Variants in CCDC149 observed in about 807,000 individuals in gnomAD.
CCDC149 encodes the protein coiled-coil domain-containing protein 149.
In CCDC149, 45 loss-of-function variants were observed where a neutral mutation model predicts 59.9. The observed-to-expected ratio is 0.75, with a 90% CI of 0.59 to 0.96. CCDC149 has a LOEUF of 0.96. Among genes scored for constraint, CCDC149 ranks in the 40% least tolerant of loss-of-function variants. The probability of loss-of-function intolerance (pLI) is 0.00; values close to 1 mark genes in which losing one functional copy is unlikely to be tolerated. For missense variants in CCDC149, 584 were observed against 664.7 expected (o/e 0.88, Z 1.33); for synonymous variants, 245 against 260.6 (o/e 0.94, Z 0.58).
At chr4:24,910,447 G>C (rs1721810334) in intron 1 of CCDC149, among the ~76,000 whole-genome samples, 1 of 152,104 alleles carries the variant, frequency 6.6e-6, no homozygotes, top group Non-Finnish European at 1.5e-5. Context: ...CTATGGTGGG[G>C]AGGTGGGGGG....
intron 1 of CCDC149, among the ~76,000 whole-genome samples, chr4:24,979,349 G>C (rs568839805): frequency 2.0e-5 from 3 of 152,310 alleles, no homozygotes; most frequent in African/African-American, 7.2e-5. Flanking sequence ...GGAAATGTCT[G>C]CAAGTGATCT....
intron 3 of CCDC149, among the ~76,000 whole-genome samples, chr4:24,873,280 A>C (rs1046218385): frequency 1.3e-5 from 2 of 152,170 alleles, no homozygotes; most frequent in African/African-American, 4.8e-5. Context: ...GTATGTGTCC[A>C]CTGAATGGTA....
chr4:24,917,762 G>C (rs1377343162), upstream of CCDC149, among the ~76,000 whole-genome samples: 2 of 152,158 alleles, frequency 1.3e-5, no homozygotes, highest in Non-Finnish European at 2.9e-5. Context: ...AAAGTCATCT[G>C]CTCTCAGATT....
Position 24,825,840 on chromosome 4 carries a change from G to A in CCDC149, c.966-3267C>T, listed in dbSNP as rs1442928848. Among the ~76,000 whole-genome samples, 5 of 152,020 alleles carry A rather than the reference G, an allele frequency of 3.3e-5. No homozygotes were observed. In the South Asian group the frequency reaches 6.2e-4, roughly 19 times the overall value. ...AGAAATGAAGAGCTAAGTGGAAGAC[G>A]AATCTACAGAGACCAGTAGGAACCC... is the stretch of plus-strand genomic sequence containing the variant. On this transcript the variant is annotated intron_variant, in intron 9 of 12. Coordinates refer to ENST00000635206, the MANE Select transcript of CCDC149 (RefSeq NM_001330643.2).
intron 1 of CCDC149, among the ~76,000 whole-genome samples, chr4:24,901,473 A>C (rs1461671225): frequency 2.0e-5 from 3 of 152,194 alleles, no homozygotes; most frequent in Non-Finnish European, 4.4e-5. Context: ...TTTTTAACAT[A>C]ATAAGTGTAG....
chr4:24,835,006 C>G lies in CCDC149; in HGVS notation c.762G>C (p.Ser254=), dbSNP rs760764637. 4 of 1,613,860 alleles carry G rather than the reference C, an allele frequency of 2.5e-6. No individual in the cohort carries two copies. The highest frequency in any genetic ancestry group is 3.4e-6 in the Non-Finnish European group (4 of 1,179,918). ...TGCTGCTGGATTTACCCTGGCCCTT[C>G]GAGTTTTTCCGTCTCTCCAGAGCAT... The change falls in exon 8 of 13, where the codon TCG becomes TCC. Residue 254 remains serine (S), a synonymous_variant. Transcript: ENST00000635206.
At chr4:24,937,860 G>A (rs1050671649) in intron 1 of CCDC149, among the ~76,000 whole-genome samples, 4 of 152,130 alleles carry the variant, frequency 2.6e-5, no homozygotes, top group Admixed American at 2.6e-4. Flanking sequence ...TGAAGAGGGA[G>A]GTTGGCAATA....
chr4:24,935,379 G>A (rs912015761), intron 1 of CCDC149, among the ~76,000 whole-genome samples: 4 of 152,042 alleles, frequency 2.6e-5, no homozygotes, highest in African/African-American at 9.7e-5. Flanking sequence ...TAATTCAAGG[G>A]GACTATTAGA....
At chr4:24,978,589 A>G (rs941076744) in intron 1 of CCDC149, among the ~76,000 whole-genome samples, 10 of 152,146 alleles carry the variant, frequency 6.6e-5, no homozygotes, top group African/African-American at 2.4e-4. Flanking sequence ...AGAGACAAGG[A>G]TGGGGGTAGG....
chr4:24,901,836 A>G (rs1270887290), intron 1 of CCDC149, among the ~76,000 whole-genome samples: 1 of 152,058 alleles, frequency 6.6e-6, no homozygotes, highest in Non-Finnish European at 1.5e-5. Context: ...ATTCTATTCC[A>G]TCTCTCCAAT....
At chr4:24,915,834 T>C (rs1203036281), upstream of CCDC149, among the ~76,000 whole-genome samples, 1 of 152,244 alleles carries the variant, frequency 6.6e-6, no homozygotes, top group Non-Finnish European at 1.5e-5. Context: ...TTTTCATTTA[T>C]GTAGCCTGAC....
intron 1 of CCDC149, among the ~76,000 whole-genome samples, chr4:24,888,354 T>A (rs1165044376): frequency 6.6e-6 from 1 of 151,984 alleles, no homozygotes; most frequent in African/African-American, 2.4e-5. Flanking sequence ...TAAATCTCAT[T>A]TAGCATCATG....
intron 1 of CCDC149, among the ~76,000 whole-genome samples, chr4:24,882,980 A>C (rs1719934608): frequency 6.6e-6 from 1 of 152,196 alleles, no homozygotes. Flanking sequence ...AAATGCAGTA[A>C]ATCTTCAAGC....
intron 1 of CCDC149, among the ~76,000 whole-genome samples, chr4:24,933,465 A>G (rs971905042): frequency 2.0e-5 from 3 of 152,212 alleles, no homozygotes; most frequent in African/African-American, 7.2e-5. Context: ...GAGATTAAAG[A>G]AAAAAATGTG....
intron 12 of CCDC149, among the ~76,000 whole-genome samples, chr4:24,811,625 C>A (rs1714610106): frequency 6.6e-6 from 1 of 152,146 alleles, no homozygotes; most frequent in African/African-American, 2.4e-5. Context: ...CTAATCCCAG[C>A]ACTTTGGGAA....
At chr4:24,947,880 C>T (rs188596737) in intron 1 of CCDC149, among the ~76,000 whole-genome samples, 21 of 151,936 alleles carry the variant, frequency 1.4e-4, no homozygotes, top group Middle Eastern at 3.4e-3. Context: ...CAGAGCCATC[C>T]GCAATATGGC....
chr4:24,932,850 A>G (rs978034914), intron 1 of CCDC149, among the ~76,000 whole-genome samples: 25 of 152,196 alleles, frequency 1.6e-4, no homozygotes, highest in African/African-American at 6.0e-4. Flanking sequence ...CAAAGGTCCT[A>G]TTCATTTAGA....
At chr4:24,827,746 G>A (rs1203276893) in intron 9 of CCDC149, 3 of 152,222 alleles carry the variant, frequency 2.0e-5, no homozygotes, top group Non-Finnish European at 4.4e-5. Flanking sequence ...AATTCTTCGA[G>A]ATGGCTTCCG....
chr4:24,903,392 G>A (rs1181158798), intron 1 of CCDC149, among the ~76,000 whole-genome samples: 1 of 152,158 alleles, frequency 6.6e-6, no homozygotes, highest in Non-Finnish European at 1.5e-5. Flanking sequence ...AAGGAACACT[G>A]AGCTTGGCCC....
Sources: allele counts gnomAD v4.1 joint callset (sites outside exome capture counted in the v4.1 genomes callset), GRCh38; gene constraint gnomAD v4.1.1; transcripts MANE v1.5; gene names NCBI Gene and HGNC (gene_info 2026-07-23, HGNC 2026-07-21).